The following MIR2052HG variants were observed in gnomAD, a reference collection of about 807,000 sequenced individuals.
MIR2052HG encodes the protein MIR2052 host gene.
intron 2 of MIR2052HG, among the ~76,000 whole-genome samples, chr8:74,672,940 C>A (rs1017788690): frequency 6.6e-6 from 1 of 151,968 alleles, no homozygotes. Context: ...GCTCTGTTGA[C>A]CTGCTTTTTT....
At chr8:74,708,557 T>C (rs1401368893) in intron 4 of MIR2052HG, among the ~76,000 whole-genome samples, 1 of 152,074 alleles carries the variant, frequency 6.6e-6, no homozygotes, top group Non-Finnish European at 1.5e-5. Flanking sequence ...CTTCCTCATC[T>C]CTCTTGGACC....
intron 4 of MIR2052HG, among the ~76,000 whole-genome samples, chr8:74,721,259 C>G (rs892541090): frequency 1.3e-5 from 2 of 152,160 alleles, no homozygotes; most frequent in Admixed American, 6.5e-5. Context: ...TTTGGCCACT[C>G]TTTGTCATAT....
intron 4 of MIR2052HG, among the ~76,000 whole-genome samples, chr8:74,709,474 A>T (rs1809445479): frequency 6.6e-6 from 1 of 152,042 alleles, no homozygotes; most frequent in Non-Finnish European, 1.5e-5. Flanking sequence ...GGGGAATTAC[A>T]TGGGCATAAG....
chr8:74,752,961 C>T (rs1809962938), intron 5 of MIR2052HG, among the ~76,000 whole-genome samples: 1 of 152,204 alleles, frequency 6.6e-6, no homozygotes, highest in Non-Finnish European at 1.5e-5. Context: ...GACTATTTAG[C>T]TCTGCAGACT....
intron 4 of MIR2052HG, among the ~76,000 whole-genome samples, chr8:74,713,384 T>C (rs1412393621): frequency 6.6e-6 from 1 of 152,186 alleles, no homozygotes; most frequent in African/African-American, 2.4e-5. Context: ...ACAAAATGGA[T>C]GTAACTCTCC....
At chr8:74,666,963 A>G (rs780471487) in intron 2 of MIR2052HG, among the ~76,000 whole-genome samples, 1 of 152,154 alleles carries the variant, frequency 6.6e-6, no homozygotes, top group Admixed American at 6.5e-5. Context: ...ACAGCTGGGC[A>G]TCTCTTTTTG....
At chr8:74,654,155 C>CT (rs1181797009) in intron 2 of MIR2052HG, among the ~76,000 whole-genome samples, 3 of 151,994 alleles carry the variant, frequency 2.0e-5, no homozygotes, top group Non-Finnish European at 4.4e-5. Context: ...TAGAGATATG[C>CT]TTTTTTCTTC....
chr8:74,622,673 T>C (rs1808379594), intron 2 of MIR2052HG, among the ~76,000 whole-genome samples: 1 of 151,898 alleles, frequency 6.6e-6, no homozygotes, highest in Non-Finnish European at 1.5e-5. Flanking sequence ...TCACTAATCA[T>C]CAGCCATAAT....
chr8:74,714,188 G>A (rs1809498079), intron 4 of MIR2052HG, among the ~76,000 whole-genome samples: 1 of 152,124 alleles, frequency 6.6e-6, no homozygotes, highest in Non-Finnish European at 1.5e-5. Context: ...AAGCTTCCTT[G>A]GCAGAGAGCA....
chr8:74,747,763 G>C (rs1484670802), intron 4 of MIR2052HG, among the ~76,000 whole-genome samples: 1 of 152,090 alleles, frequency 6.6e-6, no homozygotes, highest in Non-Finnish European at 1.5e-5. Context: ...AATGTATTAG[G>C]AGAAAGAAAA....
chr8:74,624,159 A>G (rs1474791152), intron 2 of MIR2052HG, among the ~76,000 whole-genome samples: 7 of 152,088 alleles, frequency 4.6e-5, no homozygotes, highest in Admixed American at 3.9e-4. Context: ...CTGATTTTCC[A>G]TTTTTTTCCG....
At chr8:74,749,630 C>A (rs980209503) in intron 4 of MIR2052HG, among the ~76,000 whole-genome samples, 1 of 151,998 alleles carries the variant, frequency 6.6e-6, no homozygotes, top group African/African-American at 2.4e-5. Flanking sequence ...GTGGGTGGAT[C>A]TTGAGGTCAG....
intron 2 of MIR2052HG, among the ~76,000 whole-genome samples, chr8:74,641,683 G>A (rs538319916): frequency 1.3e-5 from 2 of 152,046 alleles, no homozygotes; most frequent in African/African-American, 2.4e-5. Flanking sequence ...CAAAAGACAA[G>A]CTGATGTAAT....
At chr8:74,648,544 C>A (rs929383405) in intron 2 of MIR2052HG, among the ~76,000 whole-genome samples, 1 of 152,134 alleles carries the variant, frequency 6.6e-6, no homozygotes, top group South Asian at 2.1e-4. Flanking sequence ...CACTCCCCAG[C>A]AAAAACTTGC....
At chr8:74,706,880 G>A (rs765511071) in intron 4 of MIR2052HG, among the ~76,000 whole-genome samples, 22 of 152,156 alleles carry the variant, frequency 1.4e-4, no homozygotes, top group Admixed American at 2.6e-4. Context: ...AAATGAAGTC[G>A]TTGGGGAGGA....
intron 2 of MIR2052HG, among the ~76,000 whole-genome samples, chr8:74,680,937 A>T (rs1462316775): frequency 6.6e-6 from 1 of 151,492 alleles, no homozygotes; most frequent in Non-Finnish European, 1.5e-5. Context: ...ATTGGAAATC[A>T]TCATTCTCAG....
At chr8:74,663,011 TATA>T (rs1001708961) in intron 2 of MIR2052HG, among the ~76,000 whole-genome samples, 21 of 152,120 alleles carry the variant, frequency 1.4e-4, no homozygotes, top group South Asian at 2.1e-4. Flanking sequence ...ACCAAGATGA[TATA>T]ATAACACAAA....
intron 5 of MIR2052HG, among the ~76,000 whole-genome samples, chr8:74,754,938 G>A (rs1300471626): frequency 6.6e-6 from 1 of 152,174 alleles, no homozygotes; most frequent in Non-Finnish European, 1.5e-5. Context: ...CTTAGGGTTG[G>A]CTGTTCTTTA....
At chr8:74,646,215 G>T (rs1480462316) in intron 2 of MIR2052HG, among the ~76,000 whole-genome samples, 2 of 152,050 alleles carry the variant, frequency 1.3e-5, no homozygotes, top group African/African-American at 4.8e-5. Context: ...ACCTCACCCA[G>T]GAATGGGGAT....
Sources: allele counts gnomAD v4.1 joint callset (sites outside exome capture counted in the v4.1 genomes callset), GRCh38; gene constraint gnomAD v4.1.1; transcripts MANE v1.5; gene names NCBI Gene and HGNC (gene_info 2026-07-23, HGNC 2026-07-21).